The following ALDH1A1 variants were observed in gnomAD, a reference collection of about 807,000 sequenced individuals.
ALDH1A1 encodes the protein aldehyde dehydrogenase 1 family member A1, also known as aldehyde dehydrogenase 1A1.
In ALDH1A1, 19 loss-of-function variants were observed where a neutral mutation model predicts 62.1. That is an observed-to-expected ratio of 0.31 (90% CI 0.21 to 0.45). The LOEUF (loss-of-function observed/expected upper bound fraction) is 0.45. Among genes scored for constraint, ALDH1A1 ranks in the 20% least tolerant of loss-of-function variants. The probability of loss-of-function intolerance (pLI) is 1.00; values close to 1 mark genes in which losing one functional copy is unlikely to be tolerated. For missense variants in ALDH1A1, 521 were observed against 607.1 expected, an observed-to-expected ratio of 0.86 and a Z score of 1.49; for synonymous variants, 231 against 215.9, an observed-to-expected ratio of 1.07 and a Z score of -0.61.
At chr9:72,932,366 G>T (rs897768618) in intron 2 of ALDH1A1, among the ~76,000 whole-genome samples, 1 of 151,916 alleles carries the variant, frequency 6.6e-6, no homozygotes, top group Non-Finnish European at 1.5e-5. Context: ...TCCTCCTTAG[G>T]CTATATTCAA....
intron 1 of ALDH1A1, 148 bp from the exon 2 acceptor site, chr9:72,940,400 T>C: frequency 1.6e-6 from 1 of 639,482 alleles, no homozygotes; most frequent in Non-Finnish European, 2.8e-6. Context: ...TTTGAGACAT[T>C]TTGTGTTCAC....
chr9:72,917,077 T>A lies in ALDH1A1; in HGVS notation c.878A>T (p.His293Leu). The change falls in exon 9 of 13, where the codon CAT becomes CTT. Residue 293 changes from histidine to leucine, a missense_variant. His to Leu is a moderately conservative substitution (Grantham distance 99, BLOSUM62 -3). Transcript: ENST00000297785. ...DLDNAVEFAH[H>L]GVFYHQGQCC... ...CTGGCCCTGGTGGTAGAATACCCCA[T>A]GGTGTGCAAATTCAACAGCATTGTC... 6.2e-7 allele frequency: 1 copy of A among 1,607,394 alleles called. No individual in the cohort carries two copies. The highest frequency in any genetic ancestry group is 8.5e-7 in the Non-Finnish European group (1 of 1,176,482).
chr9:72,910,958 C>A (rs746039136), intron 10 of ALDH1A1, among the ~76,000 whole-genome samples: 3 of 152,230 alleles, frequency 2.0e-5, no homozygotes, highest in Middle Eastern at 3.4e-3. Flanking sequence ...GCTAGCTGTT[C>A]TACTGTATAT....
chr9:72,924,042 C>T lies in ALDH1A1; in HGVS notation c.724G>A (p.Val242Ile). ...ACCTCTGTTGATCCTGTGAAGGCTA[C>T]TTTGTCTATATCCATGTGAGAAGAA... ...AISSHMDIDKVAFTGSTEVGK... is the reference protein window; with the variant it reads ...AISSHMDIDKIAFTGSTEVGK... The change falls in exon 7 of 13, where the codon GTA becomes ATA. Residue 242 changes from valine to isoleucine, a missense_variant. Val to Ile is a conservative substitution (Grantham distance 29). Coordinates refer to ENST00000297785, the MANE Select transcript of ALDH1A1 (RefSeq NM_000689.5). The T allele has an allele frequency of 6.2e-7, 1 of 1,608,254 alleles. No individual in the cohort carries two copies. Among genetic ancestry groups the T allele is most frequent in the Non-Finnish European group, 8.5e-7 (1 of 1,177,520 alleles).
chr9:72,924,140 A>G lies in ALDH1A1; in HGVS notation c.634-8T>C. On this transcript the variant is annotated splice_polypyrimidine_tract_variant and splice_region_variant and intron_variant, in intron 6 of 12. Coordinates refer to ENST00000297785, the MANE Select transcript of ALDH1A1 (RefSeq NM_000689.5). Reference sequence around the variant, plus strand: ...TCCAGGAGGAAACCCTGCCTAAAAGATAAAAAGTTTAAAAGTTACAGTATA... The same window carrying G: ...TCCAGGAGGAAACCCTGCCTAAAAGGTAAAAAGTTTAAAAGTTACAGTATA... 6.3e-7 allele frequency: 1 copy of G among 1,586,606 alleles called. No individual in the cohort carries two copies. The highest frequency in any genetic ancestry group is 8.6e-7 in the Non-Finnish European group (1 of 1,164,840).
At chr9:72,921,964 A>G (rs1257793489) in intron 7 of ALDH1A1, among the ~76,000 whole-genome samples, 1 of 152,080 alleles carries the variant, frequency 6.6e-6, no homozygotes, top group Non-Finnish European at 1.5e-5. Context: ...AGTTTAGAGT[A>G]GGTTATGGCC....
chr9:72,938,684 A>C (rs1254734731), intron 2 of ALDH1A1, among the ~76,000 whole-genome samples: 1 of 151,208 alleles, frequency 6.6e-6, no homozygotes, highest in Non-Finnish European at 1.5e-5. Flanking sequence ...TGACCTTGTG[A>C]TCTGCCCGCC....
At chr9:72,930,016 C>G (rs4237253) in intron 3 of ALDH1A1, among the ~76,000 whole-genome samples, 2 of 152,022 alleles carry the variant, frequency 1.3e-5, no homozygotes, top group East Asian at 3.9e-4. Context: ...AATAAATGGT[C>G]CTTTGATTAA....
intron 7 of ALDH1A1, among the ~76,000 whole-genome samples, chr9:72,922,900 G>A (rs1830161329): frequency 6.6e-6 from 1 of 151,968 alleles, no homozygotes; most frequent in Non-Finnish European, 1.5e-5. Context: ...CTACGTCTGT[G>A]AAAAACAAAG....
At chr9:72,906,732 T>C (rs1198684309) in intron 11 of ALDH1A1, among the ~76,000 whole-genome samples, 11 of 152,198 alleles carry the variant, frequency 7.2e-5, no homozygotes, top group Non-Finnish European at 1.5e-5. Context: ...AGCTTTAAAT[T>C]TGCTGGTGGC....
intron 9 of ALDH1A1, among the ~76,000 whole-genome samples, chr9:72,915,466 T>A (rs1030277004): frequency 2.0e-5 from 3 of 151,552 alleles, no homozygotes; most frequent in Non-Finnish European, 4.4e-5. Flanking sequence ...ACAAAAAACA[T>A]AGAATTCCAT....
At chr9:72,934,626 A>G (rs1322750190) in intron 2 of ALDH1A1, among the ~76,000 whole-genome samples, 1 of 152,120 alleles carries the variant, frequency 6.6e-6, no homozygotes, top group African/African-American at 2.4e-5. Context: ...TACTTTCTAA[A>G]TCCTATATAT....
chr9:72,948,971 C>T (rs1008642651), intron 1 of ALDH1A1, among the ~76,000 whole-genome samples: 2 of 151,812 alleles, frequency 1.3e-5, no homozygotes, highest in African/African-American at 4.8e-5. Context: ...AGAAGCACTT[C>T]AAATCGTGCC....
chr9:72,909,426 G>C (rs561908798), intron 11 of ALDH1A1, among the ~76,000 whole-genome samples, 176 bp downstream of exon 11: 1 of 152,204 alleles, frequency 6.6e-6, no homozygotes, highest in East Asian at 1.9e-4. Flanking sequence ...CCAAAGTGCT[G>C]GGATTACAGG....
chr9:72,939,744 G>A (rs1588143691), intron 2 of ALDH1A1, among the ~76,000 whole-genome samples: 1 of 151,746 alleles, frequency 6.6e-6, no homozygotes, highest in Admixed American at 6.6e-5. Context: ...TCTCGAACTC[G>A]TGACCTCAAG....
At chr9:72,938,362 G>A (rs1454020983) in intron 2 of ALDH1A1, among the ~76,000 whole-genome samples, 5 of 152,056 alleles carry the variant, frequency 3.3e-5, no homozygotes, top group East Asian at 1.9e-4. Context: ...AAACACTTAC[G>A]TGTTCAGAAA....
intron 1 of ALDH1A1, among the ~76,000 whole-genome samples, chr9:72,946,636 T>G (rs901853566): frequency 1.3e-5 from 2 of 152,008 alleles, no homozygotes; most frequent in South Asian, 4.1e-4. Flanking sequence ...CAATCCTTGC[T>G]CAAATTCTTT....
chr9:72,930,224 G>T (rs4237255), intron 3 of ALDH1A1, among the ~76,000 whole-genome samples: 64,973 of 151,890 alleles, frequency 0.43, 15,072 homozygotes, highest in Non-Finnish European at 0.5. Context: ...ACTATATTAT[G>T]CTCTGACTCA....
intron 11 of ALDH1A1, among the ~76,000 whole-genome samples, chr9:72,908,148 G>A (rs1829900089): frequency 6.6e-6 from 1 of 151,960 alleles, no homozygotes; most frequent in Non-Finnish European, 1.5e-5. Flanking sequence ...AGGCCAGCAT[G>A]GTGGCTCAGG....
Sources: allele counts gnomAD v4.1 joint callset (sites outside exome capture counted in the v4.1 genomes callset), GRCh38; gene constraint gnomAD v4.1.1; transcripts MANE v1.5; gene names NCBI Gene and HGNC (gene_info 2026-07-23, HGNC 2026-07-21).